Variants in SCN7A observed in about 807,000 individuals in gnomAD.
The protein encoded by SCN7A is sodium voltage-gated channel alpha subunit 7.
A neutral mutation model predicts 155.2 loss-of-function variants in SCN7A; 138 were observed. The observed-to-expected ratio is 0.89, with a 90% CI of 0.77 to 1.02. The LOEUF (loss-of-function observed/expected upper bound fraction) is 1.02. SCN7A is among the 50% of genes least tolerant of loss of function. The probability of loss-of-function intolerance (pLI) is 0.00; values close to 1 mark genes in which losing one functional copy is unlikely to be tolerated. For missense variants in SCN7A, 2,058 were observed against 1,986.6 expected (o/e 1.04, Z -0.68); for synonymous variants, 693 against 649.0 (o/e 1.07, Z -1.03).
At chr2:166,455,139 C>G (rs1382908393) in intron 11 of SCN7A, among the ~76,000 whole-genome samples, 5 of 152,076 alleles carry the variant, frequency 3.3e-5, no homozygotes, top group Non-Finnish European at 7.4e-5. Context: ...GTAATTTTAT[C>G]CATCCTTTTA....
At chr2:166,429,811 A>G (rs1011282835) in intron 16 of SCN7A, among the ~76,000 whole-genome samples, 86 of 152,116 alleles carry the variant, frequency 5.7e-4, no homozygotes, top group African/African-American at 2.0e-3. Context: ...GGACAAGAAC[A>G]GGCCTGGGAA....
intron 11 of SCN7A, among the ~76,000 whole-genome samples, chr2:166,454,164 G>A (rs1575040843): frequency 2.0e-5 from 3 of 152,210 alleles, no homozygotes; most frequent in East Asian, 3.9e-4. Flanking sequence ...GCAGCCATAA[G>A]CCCTTAAGAT....
At chr2:166,446,641 C>T (rs1702069268) in intron 12 of SCN7A, among the ~76,000 whole-genome samples, 1 of 152,060 alleles carries the variant, frequency 6.6e-6, no homozygotes, top group African/African-American at 2.4e-5. Context: ...CAATGATAGA[C>T]TAAATAAAGA....
intron 15 of SCN7A, among the ~76,000 whole-genome samples, chr2:166,436,101 G>A (rs986816604): frequency 1.3e-5 from 2 of 152,226 alleles, no homozygotes; most frequent in East Asian, 3.9e-4. Flanking sequence ...CCTCCATTAA[G>A]TATGGTCAGG....
At chr2:166,446,484 C>T (rs1575034078) in intron 12 of SCN7A, among the ~76,000 whole-genome samples, 1 of 152,054 alleles carries the variant, frequency 6.6e-6, no homozygotes, top group African/African-American at 2.4e-5. Flanking sequence ...GATCTAGAAC[C>T]AGAAATACCA....
chr2:166,450,988 A>G (rs1042665322), intron 11 of SCN7A, among the ~76,000 whole-genome samples: 3 of 152,174 alleles, frequency 2.0e-5, no homozygotes, highest in African/African-American at 7.2e-5. Context: ...TCTTATATGT[A>G]TCTCTCATAA....
rs539340186 is a variant in SCN7A, at chr2:166,438,175, T to C, written c.2157+3221A>G. On this transcript the variant is annotated intron_variant, in intron 15 of 25. Transcript: ENST00000643258. ...GTGGGAAGTAATTGAATCATGATGA[T>C]GGTTACCTCCATGCTATTCTCATGA... Among the ~76,000 whole-genome samples the C allele has an allele frequency of 2.2e-4, 34 of 152,212 alleles. 1 individual carries two copies. Among genetic ancestry groups the C allele is most frequent in the Admixed American group, 2.2e-3 (34 of 15,288 alleles).
intron 20 of SCN7A, 147 bp downstream of exon 20, chr2:166,421,039 CCTCT>C (rs1701499470): frequency 3.9e-6 from 2 of 511,032 alleles, no homozygotes; most frequent in South Asian, 7.0e-5. Context: ...CATACCTATT[CCTCT>C]CTATTTCTAA....
rs1020918119 is a variant in SCN7A, at chr2:166,428,343, C to T, written c.2699-401G>A. On this transcript the variant is annotated intron_variant, in intron 17 of 25. Transcript: ENST00000643258. ...TTGAAGATTCACATGGTATAACATG[C>T]ATTCCTGTTTAAAAATATAAATACT... Among the ~76,000 whole-genome samples the T allele has an allele frequency of 2.6e-5, 4 of 152,138 alleles. No homozygotes were observed. In the South Asian group the frequency reaches 8.3e-4, roughly 32 times the overall value.
intron 9 of SCN7A, 112 bp downstream of exon 9, chr2:166,465,350 A>T: frequency 1.3e-6 from 1 of 771,922 alleles, no homozygotes; most frequent in Non-Finnish European, 2.1e-6. Flanking sequence ...GGTTTTGATG[A>T]TGAAATGAGA....
At chr2:166,462,716 T>C (rs1702442167) in intron 9 of SCN7A, among the ~76,000 whole-genome samples, 186 bp from the exon 10 acceptor site, 1 of 152,208 alleles carries the variant, frequency 6.6e-6, no homozygotes, top group African/African-American at 2.4e-5. Flanking sequence ...GTTGATACAG[T>C]GAACAGTGTT....
rs1002238748 is a variant in SCN7A at position 166,404,716 on chromosome 2, A to T, written c.*864T>A. On this transcript the variant is annotated 3_prime_UTR_variant, in exon 26 of 26. Coordinates refer to ENST00000643258, the MANE Select transcript of SCN7A (RefSeq NM_002976.4). ...GTTACATTAGAAATAACTGGTAAAA[A>T]TACATCAATTTCATAAGGTAAAGCT... 7 of 151,554 alleles carry T rather than the reference A, an allele frequency of 4.6e-5. No individual in the cohort carries two copies. Among genetic ancestry groups the T allele is most frequent in the African/African-American group, 1.7e-4 (7 of 41,336 alleles). 9.4% of individuals were successfully genotyped at this position (151,554 alleles called of 1,614,324 possible).
chr2:166,452,044 C>G (rs1702186982), intron 11 of SCN7A, among the ~76,000 whole-genome samples: 1 of 152,076 alleles, frequency 6.6e-6, no homozygotes, highest in Non-Finnish European at 1.5e-5. Flanking sequence ...CTAACCAATA[C>G]TCAAATTATA....
At chr2:166,415,948 G>T (rs556669979) in intron 21 of SCN7A, among the ~76,000 whole-genome samples, 7 of 152,084 alleles carry the variant, frequency 4.6e-5, no homozygotes, top group African/African-American at 1.2e-4. Flanking sequence ...ATAAATGGAC[G>T]TGCAAGTAGG....
In SCN7A at chr2:166,432,405, A is replaced by G. The variant is rs368792826; in HGVS notation, c.2505T>C (p.Thr835=). 2.4e-5 allele frequency: 38 copies of G among 1,613,436 alleles called. No homozygotes were observed. Among genetic ancestry groups the G allele is most frequent in the Non-Finnish European group, 3.2e-5 (38 of 1,179,626 alleles). The part of the protein sequence containing the change: ...SLIPSPSVSE[T]VPIASGESDI... ...CAGATTCTCCTGAAGCAATTGGTAC[A>G]GTTTCTGAGACACTAGGACTGGGGA... is the stretch of plus-strand genomic sequence containing the variant. The change falls in exon 16 of 26, where the codon ACT becomes ACC. Residue 835 remains threonine, a synonymous_variant. Transcript: ENST00000643258.
intron 2 of SCN7A, among the ~76,000 whole-genome samples, chr2:166,480,828 A>G (rs1702909314): frequency 6.6e-6 from 1 of 152,208 alleles, no homozygotes; most frequent in Non-Finnish European, 1.5e-5. Context: ...CTGGTTGCTC[A>G]GGGACTTTTT....
chr2:166,415,646 G>T (rs1701359992), intron 21 of SCN7A, among the ~76,000 whole-genome samples: 1 of 152,122 alleles, frequency 6.6e-6, no homozygotes, highest in African/African-American at 2.4e-5. Flanking sequence ...ATGGACATTT[G>T]TCAGTTCCCA....
At position 166,470,653 on chromosome 2, in the gene SCN7A, C is replaced by A. The variant is rs750200559; in HGVS notation, c.626G>T (p.Arg209Ile). ...AATAATTTTTAAAATTCTCAAAGTT[C>A]TTGCAGTTTGAAGCGTTGGAATGAA... ...LDFIPTLQTA[R>I]TLRILKIIPL... Residue 209 changes from arginine (R) to isoleucine (I), a missense_variant, in exon 7 of 26, where the codon AGA becomes ATA. Coordinates refer to ENST00000643258, the MANE Select transcript of SCN7A (RefSeq NM_002976.4). The A allele has an allele frequency of 1.9e-6, 3 of 1,608,842 alleles. No individual in the cohort carries two copies. The highest frequency in any genetic ancestry group is 1.7e-6 in the Non-Finnish European group (2 of 1,176,856).
In SCN7A at chr2:166,406,124, G is replaced by C. The variant is rs564902988; in HGVS notation, c.4505C>G (p.Ala1502Gly). Reference protein sequence around the residue: ...IVVVMEFLNIASKKKNKTLSE... With the variant: ...IVVVMEFLNIGSKKKNKTLSE... ...CAAGGTCTTGTTTTTCTTCTTAGAA[G>C]CAATATTTAAAAACTCCATGACAAC... The change falls in exon 26 of 26, where the codon GCT (alanine) becomes GGT (glycine). Residue 1502 changes from alanine (A) to glycine (G), a missense_variant. Ala to Gly is a moderately conservative substitution (Grantham distance 60). Transcript: ENST00000643258. The C allele has an allele frequency of 6.2e-7, 1 of 1,611,658 alleles. No homozygotes were observed. Among genetic ancestry groups the C allele is most frequent in the South Asian group, 1.1e-5 (1 of 90,978 alleles).
Sources: allele counts gnomAD v4.1 joint callset (sites outside exome capture counted in the v4.1 genomes callset), GRCh38; gene constraint gnomAD v4.1.1; transcripts MANE v1.5; gene names NCBI Gene and HGNC (gene_info 2026-07-23, HGNC 2026-07-21).